Variants in BRD9 observed in about 807,000 individuals in gnomAD.
BRD9 encodes the protein bromodomain containing 9.
A neutral mutation model predicts 68.7 loss-of-function variants in BRD9; 47 were observed. The ratio of observed to expected loss-of-function variants is 0.68; its 90% CI spans 0.54 to 0.87. The LOEUF (loss-of-function observed/expected upper bound fraction) is 0.87. BRD9 is among the 40% of genes least tolerant of loss of function. BRD9 has a pLI of 0.00. For synonymous variants in BRD9, 313 were observed against 293.9 expected (o/e 1.06, Z -0.67); for missense variants, 670 against 748.4 (o/e 0.90, Z 1.22).
Position 892,721 on chromosome 5 carries a change from C to A in BRD9, c.-64G>T. On this transcript the variant is annotated 5_prime_UTR_variant, in exon 1 of 16. Transcript: ENST00000467963. ...CAGCTGGCACCCGGTCGGACCTTGG[C>A]CGCCACCGCCCCCTGGCCCTGGCTG... The A allele has an allele frequency of 7.8e-7, 1 of 1,274,204 alleles. No individual in the cohort carries two copies. Among genetic ancestry groups the A allele is most frequent in the Non-Finnish European group, 1.0e-6 (1 of 1,004,388 alleles). 78.9% of individuals were successfully genotyped at this position (1,274,204 alleles called of 1,614,324 possible). A position where few individuals can be genotyped will look rare whatever the true frequency, so the allele number is the denominator to read the frequency against.
chr5:875,762 A>G (rs529574491), intron 12 of BRD9, among the ~76,000 whole-genome samples: 1 of 152,392 alleles, frequency 6.6e-6, no homozygotes, highest in Non-Finnish European at 1.5e-5. Flanking sequence ...AAGATGAAAT[A>G]AAGACTTTCA....
At chr5:871,018 G>A (rs147244319) in intron 13 of BRD9, among the ~76,000 whole-genome samples, 9 of 152,326 alleles carry the variant, frequency 5.9e-5, no homozygotes, top group African/African-American at 1.9e-4. Flanking sequence ...TCAGCTCCCT[G>A]CAGCTCGGCC....
In BRD9 at chr5:889,189, C is replaced by T. The variant is rs73733988; in HGVS notation, c.462-24G>A. ...TTCTGAAAGCAAAGACATCTTAAAGCGGAAAAATCTAGATTTCTAAATGAT... is the reference window on the plus strand; with the variant it reads ...TTCTGAAAGCAAAGACATCTTAAAGTGGAAAAATCTAGATTTCTAAATGAT... On this transcript the variant is annotated intron_variant, in intron 4 of 15. Transcript: ENST00000467963. The T allele has an allele frequency of 6.5e-3, 10,377 of 1,596,868 alleles. 432 individuals are homozygous for T. In the African/African-American group the frequency reaches 0.1, roughly 16 times the overall value.
chr5:877,213 G>A (rs116057344), intron 11 of BRD9, among the ~76,000 whole-genome samples: 2,130 of 152,322 alleles, frequency 0.014, 50 homozygotes, highest in African/African-American at 0.048. Context: ...AGCCGACTGC[G>A]GACAGGATGG....
At chr5:880,983 G>T in intron 9 of BRD9, 124 bp downstream of exon 9, 1 of 971,328 alleles carries the variant, frequency 1.0e-6, no homozygotes, top group African/African-American at 1.7e-5. Flanking sequence ...GAGCAAGGTC[G>T]GGAAGCCGGG....
intron 15 of BRD9, among the ~76,000 whole-genome samples, chr5:864,959 G>A (rs1045106082): frequency 3.3e-5 from 5 of 152,146 alleles, no homozygotes; most frequent in South Asian, 2.1e-4. Context: ...CGAAAATACC[G>A]GCCTTTTTGC....
Position 885,985 on chromosome 5 carries a change from GGAA to G in BRD9, c.833+604_833+606del, listed in dbSNP as rs1752496298. ...AACCACTCTGGGGTTTAGAAAAAAA[GGAA>G]GAAGGTTCCCTGAAGGACCAGCCAA... is the stretch of plus-strand genomic sequence containing the variant. On this transcript the variant is annotated intron_variant, in intron 7 of 15. Transcript: ENST00000467963. Among the ~76,000 whole-genome samples the G allele has an allele frequency of 3.3e-5, 5 of 152,322 alleles. No homozygotes were observed. In the South Asian group the frequency reaches 1.0e-3, roughly 32 times the overall value.
intron 11 of BRD9, among the ~76,000 whole-genome samples, chr5:877,754 T>G (rs1387734864): frequency 6.6e-6 from 1 of 152,160 alleles, no homozygotes; most frequent in African/African-American, 2.4e-5. Flanking sequence ...CCTTGGAATG[T>G]GATTATACTT....
chr5:880,946 C>A (rs557778649), intron 9 of BRD9, among the ~76,000 whole-genome samples, 161 bp downstream of exon 9: 3 of 152,398 alleles, frequency 2.0e-5, no homozygotes, highest in Admixed American at 2.0e-4. Context: ...CACACCTCCA[C>A]TCAGCGCACG....
intron 7 of BRD9, 22 bp downstream of exon 7, chr5:886,570 G>A (rs1173789218): frequency 6.2e-7 from 1 of 1,603,108 alleles, no homozygotes; most frequent in African/African-American, 1.3e-5. Context: ...AAAAGCAAAT[G>A]TGGTTTCCAC....
At chr5:892,525 G>C in intron 1 of BRD9, 81 bp downstream of exon 1, 1 of 1,501,608 alleles carries the variant, frequency 6.7e-7, no homozygotes, top group East Asian at 2.6e-5. Context: ...CGGTGCCCAG[G>C]ACCCCCGTCC....
intron 6 of BRD9, chr5:886,948 G>A (rs548334648): frequency 2.3e-5 from 14 of 603,042 alleles, no homozygotes; most frequent in Admixed American, 1.3e-4. Flanking sequence ...GGCAGGTGCC[G>A]CACCTCCCCT....
At chr5:881,038 C>T (rs1751665411) in intron 9 of BRD9, 69 bp downstream of exon 9, 1 of 1,508,144 alleles carries the variant, frequency 6.6e-7, no homozygotes, top group Admixed American at 1.7e-5. Context: ...CTTTTCATTA[C>T]AGAATATCAA....
At chr5:887,262 GAT>G (rs1216871317) in intron 6 of BRD9, 97 bp downstream of exon 6, 1 of 1,006,400 alleles carries the variant, frequency 9.9e-7, no homozygotes, top group Non-Finnish European at 1.5e-6. Context: ...GTGGCGGGTG[GAT>G]GGAGCACGTG....
chr5:875,687 T>C (rs1294790084), intron 12 of BRD9, among the ~76,000 whole-genome samples: 1 of 152,042 alleles, frequency 6.6e-6, no homozygotes, highest in Non-Finnish European at 1.5e-5. Flanking sequence ...CAAACCTATT[T>C]TACAGTAGAT....
chr5:876,806 G>A (rs1751009315), intron 11 of BRD9, among the ~76,000 whole-genome samples: 1 of 152,210 alleles, frequency 6.6e-6, no homozygotes, highest in Non-Finnish European at 1.5e-5. Flanking sequence ...GAGGAACAAG[G>A]ATGGCTGCTG....
intron 4 of BRD9, among the ~76,000 whole-genome samples, chr5:889,382 C>A (rs66859331): frequency 0.055 from 8,372 of 152,260 alleles, 266 homozygotes; most frequent in African/African-American, 0.081. Flanking sequence ...CTAGCCTTGA[C>A]TTCCCTCACT....
At chr5:881,603 T>C (rs750458950) in intron 8 of BRD9, 1 of 247,380 alleles carries the variant, frequency 4.0e-6, no homozygotes, top group Non-Finnish European at 7.9e-6. Context: ...GTACAGGCCA[T>C]CAGGAGGATC....
chr5:865,753 A>G, intron 14 of BRD9, 172 bp from the exon 15 acceptor site: 2 of 685,808 alleles, frequency 2.9e-6, no homozygotes, highest in Non-Finnish European at 4.8e-6. Context: ...GAGGACAGAC[A>G]TTACCCTTAG....
Sources: gnomAD v4.1 joint callset for allele counts (sites outside exome capture counted in the v4.1 genomes callset) on GRCh38, gnomAD v4.1.1 for gene constraint, MANE v1.5 for transcripts, NCBI Gene and HGNC (gene_info 2026-07-23, HGNC 2026-07-21) for gene names.